CYRIB: variants seen among roughly 807,000 people sequenced by gnomAD.
CYRIB encodes the protein CYFIP related Rac1 interactor B, also known as CYFIP-related Rac1 interactor B.
In CYRIB, 8 loss-of-function variants were observed where a neutral mutation model predicts 44.2. The observed-to-expected ratio is 0.18, with a 90% CI of 0.11 to 0.33. CYRIB has a LOEUF of 0.33. Among genes scored for constraint, CYRIB ranks in the 10% least tolerant of loss-of-function variants. The pLI is 1.00. For synonymous variants in CYRIB, 131 were observed against 127.2 expected, an observed-to-expected ratio of 1.03 and a Z score of -0.20; for missense variants, 185 against 382.8, an observed-to-expected ratio of 0.48 and a Z score of 4.31.
At chr8:129,970,980 G>A (rs1487599110) in exon 2 of CYRIB, 1 of 152,148 alleles carries the variant, frequency 6.6e-6, no homozygotes, top group Non-Finnish European at 1.5e-5. Context: ...CAAATTCCAG[G>A]CCTCAGTTTC....
intron 3 of CYRIB, among the ~76,000 whole-genome samples, chr8:129,874,100 A>G (rs1471449578): frequency 6.6e-6 from 1 of 152,048 alleles, no homozygotes; most frequent in Non-Finnish European, 1.5e-5. Flanking sequence ...GTACTATATA[A>G]TGCAACCAAG....
At chr8:129,848,208 C>T (rs982432548) in intron 10 of CYRIB, among the ~76,000 whole-genome samples, 2 of 152,138 alleles carry the variant, frequency 1.3e-5, no homozygotes, top group South Asian at 2.1e-4. Context: ...GGAGAACAAA[C>T]GTAAAATTCC....
At chr8:129,853,404 G>C (rs2044396526) in intron 7 of CYRIB, among the ~76,000 whole-genome samples, 1 of 152,176 alleles carries the variant, frequency 6.6e-6, no homozygotes, top group Non-Finnish European at 1.5e-5. Context: ...CAGTGCCTTA[G>C]TGCAAGTGCT....
intron 1 of CYRIB, among the ~76,000 whole-genome samples, chr8:129,912,838 C>T (rs571107333): frequency 2.6e-4 from 40 of 152,054 alleles, no homozygotes; most frequent in Non-Finnish European, 1.6e-4. Context: ...ATCTGTGTGT[C>T]ATGTTTACGG....
At chr8:129,955,174 AC>A (rs1236674711) in intron 2 of CYRIB, among the ~76,000 whole-genome samples, 6 of 150,416 alleles carry the variant, frequency 4.0e-5, no homozygotes, top group African/African-American at 1.2e-4. Flanking sequence ...AATCACTTGA[AC>A]CCAGGAGGCG....
intron 2 of CYRIB, among the ~76,000 whole-genome samples, chr8:129,883,822 C>T (rs1295741942): frequency 2.6e-5 from 4 of 151,920 alleles, no homozygotes; most frequent in South Asian, 2.1e-4. Context: ...TTAATAATAT[C>T]CACCTCAGAG....
At chr8:129,949,646 T>C (rs559331203) in intron 2 of CYRIB, among the ~76,000 whole-genome samples, 2 of 151,702 alleles carry the variant, frequency 1.3e-5, no homozygotes, top group Admixed American at 1.3e-4. Context: ...GGTGGGCAGA[T>C]CATTTGAGGT....
chr8:129,908,500 A>T (rs74999377), intron 1 of CYRIB, among the ~76,000 whole-genome samples: 1 of 152,206 alleles, frequency 6.6e-6, no homozygotes, highest in East Asian at 1.9e-4. Context: ...ACTTATTTAA[A>T]TTAGGTTATC....
At chr8:129,907,723 C>T (rs2076152308) in intron 1 of CYRIB, among the ~76,000 whole-genome samples, 1 of 152,168 alleles carries the variant, frequency 6.6e-6, no homozygotes. Flanking sequence ...CTATGATGGC[C>T]TGGTGCAGTG....
chr8:129,873,044 T>A (rs78226284), intron 3 of CYRIB, among the ~76,000 whole-genome samples: 2,772 of 152,116 alleles, frequency 0.018, 43 homozygotes, highest in Non-Finnish European at 0.03. Context: ...ACATTTTTTT[T>A]AAAATTCAAT....
chr8:129,984,093 C>T (rs2096361976), intron 1 of CYRIB, among the ~76,000 whole-genome samples: 1 of 152,220 alleles, frequency 6.6e-6, no homozygotes, highest in Admixed American at 6.5e-5. Flanking sequence ...AGGAGGTGAT[C>T]CTGCTGAGCC....
intron 1 of CYRIB, among the ~76,000 whole-genome samples, chr8:129,931,555 C>CT (rs767364887): frequency 2.6e-5 from 4 of 152,144 alleles, no homozygotes; most frequent in Non-Finnish European, 5.9e-5. Context: ...TTACATATAA[C>CT]TTTGCCCTCA....
rs182370321 is a variant in CYRIB at position 129,930,182 on chromosome 8, G to C, written c.-50+9426C>G. Among the ~76,000 whole-genome samples, 70 of 151,552 alleles carry C rather than the reference G, an allele frequency of 4.6e-4. No homozygotes were observed. In the South Asian group the frequency reaches 0.01, roughly 22 times the overall value. ...GCCGAGATCGCACCACTGCACTCCAGCCTGAGTGACAGAGCGAGACTCTGT... is the reference window on the plus strand; with the variant it reads ...GCCGAGATCGCACCACTGCACTCCACCCTGAGTGACAGAGCGAGACTCTGT... On this transcript the variant is annotated intron_variant, in intron 1 of 11. Coordinates refer to ENST00000519824, the Ensembl canonical transcript of CYRIB.
exon 12 of CYRIB, chr8:129,841,005 T>TACTTGTTG (rs2036048757): frequency 6.6e-6 from 1 of 152,120 alleles, no homozygotes; most frequent in African/African-American, 2.4e-5. Context: ...GTTCCAACCA[T>TACTTGTTG]GAGATTTAGA....
At chr8:129,879,625 C>T (rs1335915089) in intron 2 of CYRIB, 154 bp from the exon 5 acceptor site, 9 of 604,534 alleles carry the variant, frequency 1.5e-5, no homozygotes, top group Admixed American at 3.4e-5. Context: ...GACAGCAAAA[C>T]GGGTTCTCAA....
rs34764499 is a variant in CYRIB, at chr8:129,883,112, C to CAAAAAAAAAAAAAAAA, written c.-10-3657_-10-3642dup. 3.9e-4 allele frequency among the ~76,000 whole-genome samples: 16 copies of CAAAAAAAAAAAAAAAA among 41,254 alleles called. 1 individual carries two copies. The highest frequency in any genetic ancestry group is 7.7e-4 in the African/African-American group (8 of 10,352). The allele number at this position is 41,254 out of a possible 152,430, so 27.1% of individuals were successfully genotyped here. ...TAGGCAACAGAGCTAGACTCCCTCT[C>CAAAAAAAAAAAAAAAA]AAAAAAAAAAAAAAAAAAAAAAAAA... On this transcript the variant is annotated intron_variant, in intron 2 of 11. Coordinates refer to ENST00000519824, the Ensembl canonical transcript of CYRIB.
intron 2 of CYRIB, among the ~76,000 whole-genome samples, chr8:129,883,896 T>A (rs571928830): frequency 6.6e-6 from 1 of 152,352 alleles, no homozygotes; most frequent in East Asian, 1.9e-4. Flanking sequence ...CCTGGCAGTT[T>A]ATTTACTATT....
intron 2 of CYRIB, among the ~76,000 whole-genome samples, chr8:129,962,299 T>A (rs929138466): frequency 1.8e-4 from 27 of 151,020 alleles, no homozygotes; most frequent in African/African-American, 6.1e-4. Context: ...AGAAAAAAAA[T>A]TAGCTAGGTG....
chr8:129,871,309 C>A, intron 4 of CYRIB, 66 bp downstream of exon 6: 1 of 1,524,524 alleles, frequency 6.6e-7, no homozygotes, highest in Non-Finnish European at 8.8e-7. Flanking sequence ...GTCTAGAAAA[C>A]AAGAGATTAC....
Sources: allele counts gnomAD v4.1 joint callset (sites outside exome capture counted in the v4.1 genomes callset), GRCh38; gene constraint gnomAD v4.1.1; transcripts MANE v1.5; gene names NCBI Gene and HGNC (gene_info 2026-07-23, HGNC 2026-07-21).